Variants in ANKS1B observed in about 807,000 individuals in gnomAD.
ANKS1B encodes ankyrin repeat and sterile alpha motif domain containing 1B, also known as ankyrin repeat and sterile alpha motif domain-containing protein 1B.
ANKS1B carries 36 observed loss-of-function variants against 148.3 expected under a neutral mutation model. The ratio of observed to expected loss-of-function variants is 0.24; its 90% CI spans 0.19 to 0.32. ANKS1B has a LOEUF of 0.32. Among genes scored for constraint, ANKS1B ranks in the 10% least tolerant of loss-of-function variants. ANKS1B has a pLI of 1.00. For synonymous variants in ANKS1B, 542 were observed against 560.8 expected (o/e 0.97, Z 0.47); for missense variants, 1,157 against 1,542.6 (o/e 0.75, Z 4.19).
chr12:98,810,715 C>T (rs2099088279), intron 19 of ANKS1B, among the ~76,000 whole-genome samples: 1 of 152,228 alleles, frequency 6.6e-6, no homozygotes, highest in African/African-American at 2.4e-5. Flanking sequence ...CCCAAAGGGG[C>T]CATGCCCAGT....
At chr12:98,955,165 G>T (rs150015401) in intron 17 of ANKS1B, among the ~76,000 whole-genome samples, 7 of 152,162 alleles carry the variant, frequency 4.6e-5, no homozygotes, top group Non-Finnish European at 1.0e-4. Flanking sequence ...CTTAGAGGAC[G>T]ATAAGTACTG....
intron 12 of ANKS1B, among the ~76,000 whole-genome samples, chr12:99,263,047 C>T (rs1281466346): frequency 6.6e-6 from 1 of 152,034 alleles, no homozygotes; most frequent in African/African-American, 2.4e-5. Context: ...TTCATTCCCA[C>T]ACAATGTTCC....
intron 9 of ANKS1B, among the ~76,000 whole-genome samples, chr12:99,574,660 TA>T (rs34002238): frequency 2.1e-4 from 31 of 148,140 alleles, no homozygotes; most frequent in African/African-American, 2.5e-4. Flanking sequence ...TTCCTCGTAT[TA>T]AAAAAAAAAG....
intron 1 of ANKS1B, among the ~76,000 whole-genome samples, chr12:99,931,781 A>G (rs2094622965): frequency 6.6e-6 from 1 of 152,186 alleles, no homozygotes; most frequent in Admixed American, 6.5e-5. Context: ...TGTTACAAAC[A>G]TTCCAATTAT....
At chr12:99,834,866 G>A (rs2084582312) in intron 1 of ANKS1B, among the ~76,000 whole-genome samples, 1 of 152,206 alleles carries the variant, frequency 6.6e-6, no homozygotes, top group Non-Finnish European at 1.5e-5. Flanking sequence ...TAATGCCTCA[G>A]GCAGGGTCAG....
chr12:99,136,128 A>C (rs983798334), intron 15 of ANKS1B, among the ~76,000 whole-genome samples: 1 of 152,226 alleles, frequency 6.6e-6, no homozygotes, highest in Non-Finnish European at 1.5e-5. Flanking sequence ...AAAAAAGGTA[A>C]GTTCTAGGAT....
intron 26 of ANKS1B, among the ~76,000 whole-genome samples, chr12:98,750,036 G>A (rs1253696342): frequency 6.6e-6 from 1 of 152,082 alleles, no homozygotes; most frequent in Non-Finnish European, 1.5e-5. Context: ...AGAGCTTTGA[G>A]GGGAAAATCA....
chr12:99,836,216 T>TAC (rs375305500), intron 1 of ANKS1B, among the ~76,000 whole-genome samples: 2 of 151,950 alleles, frequency 1.3e-5, no homozygotes, highest in East Asian at 1.9e-4. Flanking sequence ...TACAGACACA[T>TAC]ACACACACAC....
chr12:99,962,460 C>T (rs1340842295), intron 1 of ANKS1B, among the ~76,000 whole-genome samples: 2 of 152,116 alleles, frequency 1.3e-5, no homozygotes, highest in Non-Finnish European at 2.9e-5. Flanking sequence ...CATTGATGGG[C>T]ATTTGGGTTG....
At chr12:99,061,839 A>G (rs2042550428) in intron 16 of ANKS1B, among the ~76,000 whole-genome samples, 1 of 152,218 alleles carries the variant, frequency 6.6e-6, no homozygotes, top group African/African-American at 2.4e-5. Context: ...TTATCGTTAA[A>G]GAAGCTTCAT....
intron 15 of ANKS1B, among the ~76,000 whole-genome samples, chr12:99,115,232 A>G (rs946319163): frequency 1.3e-5 from 2 of 152,212 alleles, no homozygotes; most frequent in African/African-American, 4.8e-5. Flanking sequence ...ATGCCCATCA[A>G]TGACAGATGG....
rs557543394 is a variant in ANKS1B, at chr12:99,810,809, T to C, written c.372+1346A>G. Among the ~76,000 whole-genome samples the C allele has an allele frequency of 4.6e-5, 7 of 152,130 alleles. No homozygotes were observed. The South Asian group carries it at 1.4e-3, about 31-fold the overall frequency. ...CTTGTTTGTAAAAACTAACATCCTC[T>C]TGTTTAACCTTGGATTGTTTTTCCA... On this transcript the variant is annotated intron_variant, in intron 3 of 26. Coordinates refer to ENST00000683438, the MANE Select transcript of ANKS1B (RefSeq NM_001352186.2).
At chr12:99,492,505 C>G (rs867268841) in intron 10 of ANKS1B, among the ~76,000 whole-genome samples, 57 of 152,286 alleles carry the variant, frequency 3.7e-4, no homozygotes, top group African/African-American at 1.2e-3. Context: ...TCTACTGAAA[C>G]TATTTCAAAA....
intron 17 of ANKS1B, among the ~76,000 whole-genome samples, chr12:98,912,079 C>T (rs2099787592): frequency 6.6e-6 from 1 of 152,202 alleles, no homozygotes; most frequent in African/African-American, 2.4e-5. Flanking sequence ...ATACCAGGCG[C>T]ACTTCTAAAT....
intron 12 of ANKS1B, among the ~76,000 whole-genome samples, chr12:99,387,603 AAAG>A (rs371936700): frequency 2.0e-4 from 30 of 151,036 alleles, no homozygotes; most frequent in African/African-American, 3.7e-4. Flanking sequence ...CTCAAAAAAA[AAAG>A]AAGAAGAAGA....
chr12:99,175,022 A>G (rs2078221922), intron 14 of ANKS1B, among the ~76,000 whole-genome samples: 1 of 152,220 alleles, frequency 6.6e-6, no homozygotes, highest in South Asian at 2.1e-4. Context: ...TTTTAAAAAT[A>G]AAGTGCTAAA....
At chr12:99,033,015 A>G (rs73386549) in intron 17 of ANKS1B, among the ~76,000 whole-genome samples, 5,230 of 152,292 alleles carry the variant, frequency 0.034, 319 homozygotes, top group African/African-American at 0.12. Context: ...CTTGCAAATT[A>G]TTCACCATAA....
chr12:99,828,128 T>G (rs2083439144), intron 1 of ANKS1B, among the ~76,000 whole-genome samples: 1 of 152,136 alleles, frequency 6.6e-6, no homozygotes, highest in South Asian at 2.1e-4. Flanking sequence ...CAAAAGGAAT[T>G]AAATACTACG....
intron 8 of ANKS1B, among the ~76,000 whole-genome samples, chr12:99,684,915 C>T (rs1336962253): frequency 1.3e-5 from 2 of 152,104 alleles, no homozygotes; most frequent in Non-Finnish European, 2.9e-5. Context: ...TCACCTTATA[C>T]AAAAATCAAC....
Sources: allele counts gnomAD v4.1 joint callset (sites outside exome capture counted in the v4.1 genomes callset), GRCh38; gene constraint gnomAD v4.1.1; transcripts MANE v1.5; gene names NCBI Gene and HGNC (gene_info 2026-07-23, HGNC 2026-07-21).